The following SH3KBP1 variants were observed in gnomAD, a reference collection of about 807,000 sequenced individuals.
SH3KBP1 encodes SH3 domain-containing kinase-binding protein 1.
Under a neutral mutation model 50.1 loss-of-function variants are expected in SH3KBP1, and 8 were observed. The ratio of observed to expected loss-of-function variants is 0.16; its 90% confidence interval spans 0.09 to 0.29. The LOEUF is 0.29. Ranked by LOEUF, SH3KBP1 falls within the 10% of genes least tolerant of loss-of-function variation. The pLI is 1.00. For missense variants in SH3KBP1, 377 were observed against 535.2 expected, an observed-to-expected ratio of 0.70 and a Z score of 2.92; for synonymous variants, 227 against 218.6, an observed-to-expected ratio of 1.04 and a Z score of -0.34.
intron 6 of SH3KBP1, among the ~76,000 whole-genome samples, chrX:19,681,698 G>A (rs757463823): frequency 9.0e-6 from 1 of 111,245 alleles, no homozygotes; most frequent in African/African-American, 3.3e-5. Flanking sequence ...GCCCCCTGTA[G>A]GAGTGTGCAT....
intron 5 of SH3KBP1, among the ~76,000 whole-genome samples, chrX:19,690,624 GAA>G (rs1328605698): frequency 8.9e-6 from 1 of 112,153 alleles, no homozygotes; most frequent in Admixed American, 9.4e-5. Flanking sequence ...GGATGTGAAA[GAA>G]AAGACATATT....
At chrX:19,550,498 G>A (rs1209210239) in intron 13 of SH3KBP1, among the ~76,000 whole-genome samples, 1 of 111,383 alleles carries the variant, frequency 9.0e-6, no homozygotes, top group African/African-American at 3.3e-5. Flanking sequence ...AGTGGATGCC[G>A]GTCATTGATT....
At chrX:19,647,367 C>T (rs1223214936) in intron 6 of SH3KBP1, among the ~76,000 whole-genome samples, 1 of 111,256 alleles carries the variant, frequency 9.0e-6, no homozygotes, top group African/African-American at 3.3e-5. Flanking sequence ...TTTACAACTT[C>T]CCCTTCTTTA....
At chrX:19,601,417 G>C (rs1263266921) in intron 9 of SH3KBP1, 1 of 111,442 alleles carries the variant, frequency 9.0e-6, no homozygotes, top group East Asian at 2.8e-4. Flanking sequence ...TTGCTACTTT[G>C]CCTCTTGAGC....
At chrX:19,587,630 A>G (rs2066611292) in intron 12 of SH3KBP1, among the ~76,000 whole-genome samples, 1 of 112,269 alleles carries the variant, frequency 8.9e-6, no homozygotes, top group African/African-American at 3.2e-5. Context: ...GGAATTATTT[A>G]GGTGCATTCC....
chrX:19,823,143 G>A (rs1246928628), intron 2 of SH3KBP1, among the ~76,000 whole-genome samples: 1 of 111,311 alleles, frequency 9.0e-6, no homozygotes, highest in African/African-American at 3.3e-5. Flanking sequence ...CTGAGTGGGA[G>A]GATGGGGATG....
chrX:19,696,490 GGGTA>G (rs762542265), intron 4 of SH3KBP1, among the ~76,000 whole-genome samples: 1 of 111,271 alleles, frequency 9.0e-6, no homozygotes, highest in African/African-American at 3.3e-5. Flanking sequence ...AACCGAAAGG[GGGTA>G]GGTAGGTAGG....
chrX:19,648,028 A>G (rs748288983), intron 6 of SH3KBP1: 7 of 373,019 alleles, frequency 1.9e-5, no homozygotes, highest in African/African-American at 1.5e-4. Flanking sequence ...ACCTAGATAA[A>G]TTATGAAACA....
chrX:19,610,579 T>A (rs929746966), intron 8 of SH3KBP1, among the ~76,000 whole-genome samples: 1 of 112,081 alleles, frequency 8.9e-6, no homozygotes, highest in African/African-American at 3.2e-5. Flanking sequence ...AAATGCAAAA[T>A]ATATTTAAGC....
intron 1 of SH3KBP1, among the ~76,000 whole-genome samples, chrX:19,856,949 G>GTCT (rs2068659173): frequency 2.6e-5 from 1 of 37,965 alleles, no homozygotes; most frequent in Non-Finnish European, 4.7e-5. Context: ...GCTAATACTA[G>GTCT]TCTTTTTTTT....
intron 1 of SH3KBP1, among the ~76,000 whole-genome samples, chrX:19,859,152 AT>A (rs200300452): frequency 0.028 from 2,899 of 102,322 alleles, 102 homozygotes; most frequent in African/African-American, 0.086. Flanking sequence ...TGAAATTACT[AT>A]TTTTTTTTTT....
chrX:19,680,672 T>C (rs2148579483), intron 6 of SH3KBP1, among the ~76,000 whole-genome samples: 1 of 112,260 alleles, frequency 8.9e-6, no homozygotes, highest in African/African-American at 3.2e-5. Context: ...TCAAAAGTGA[T>C]GAAAACCAGG....
chrX:19,772,013 C>T (rs753521232), intron 2 of SH3KBP1, among the ~76,000 whole-genome samples: 30 of 110,022 alleles, frequency 2.7e-4, no homozygotes, highest in African/African-American at 7.9e-4. Context: ...TTACAACAAA[C>T]GACTGGCTAG....
intron 6 of SH3KBP1, among the ~76,000 whole-genome samples, chrX:19,661,470 A>G (rs2062450026): frequency 9.0e-6 from 1 of 111,547 alleles, no homozygotes; most frequent in South Asian, 3.7e-4. Flanking sequence ...ATGTATGGCA[A>G]AAGGACTGAA....
At chrX:19,693,764 G>A (rs2063352058) in intron 5 of SH3KBP1, among the ~76,000 whole-genome samples, 1 of 111,800 alleles carries the variant, frequency 8.9e-6, no homozygotes, top group African/African-American at 3.3e-5. Context: ...CCATATTACT[G>A]ACTTGGAATG....
intron 2 of SH3KBP1, among the ~76,000 whole-genome samples, chrX:19,785,459 C>T (rs1412430968): frequency 1.8e-5 from 2 of 110,573 alleles, no homozygotes; most frequent in Non-Finnish European, 3.8e-5. Context: ...GCCAGAGAGG[C>T]GGAGATTGCA....
At chrX:19,730,286 G>C (rs1362460751) in intron 3 of SH3KBP1, among the ~76,000 whole-genome samples, 1 of 111,560 alleles carries the variant, frequency 9.0e-6, no homozygotes, top group Non-Finnish European at 1.9e-5. Flanking sequence ...GACCAGCCTG[G>C]GCAACATAGC....
intron 2 of SH3KBP1, among the ~76,000 whole-genome samples, chrX:19,783,870 A>C (rs936695356): frequency 8.9e-6 from 1 of 112,034 alleles, no homozygotes; most frequent in African/African-American, 3.2e-5. Context: ...TACATCATGC[A>C]ATCAATTCAC....
At chrX:19,664,649 A>G (rs2062551483) in intron 6 of SH3KBP1, 1 of 112,058 alleles carries the variant, frequency 8.9e-6, no homozygotes, top group Non-Finnish European at 1.9e-5. Context: ...CCTTCACTGG[A>G]AAGTACAGCA....
Sources: gnomAD v4.1 joint callset for allele counts (sites outside exome capture counted in the v4.1 genomes callset) on GRCh38, gnomAD v4.1.1 for gene constraint, MANE v1.5 for transcripts, NCBI Gene and HGNC (gene_info 2026-07-23, HGNC 2026-07-21) for gene names.